Variants in BCL7A observed in about 807,000 individuals in gnomAD.
The protein encoded by BCL7A is B-cell CLL/lymphoma 7 protein family member A.
In BCL7A, 11 loss-of-function variants were observed where a neutral mutation model predicts 28.4. The ratio of observed to expected loss-of-function variants is 0.39; its 90% CI spans 0.24 to 0.64. BCL7A has a LOEUF of 0.64. Among genes scored for constraint, BCL7A ranks in the 30% least tolerant of loss-of-function variants. The pLI is 0.50. For synonymous variants in BCL7A, 123 were observed against 103.3 expected, an observed-to-expected ratio of 1.19 and a Z score of -1.15; for missense variants, 222 against 274.8, an observed-to-expected ratio of 0.81 and a Z score of 1.36.
intron 1 of BCL7A, among the ~76,000 whole-genome samples, chr12:122,023,660 G>C (rs7954584): frequency 6.6e-6 from 1 of 151,962 alleles, no homozygotes; most frequent in African/African-American, 2.4e-5. Context: ...CCAAAGTTGA[G>C]ATCCAAGTCG....
chr12:122,028,412 CT>C (rs79495913), intron 1 of BCL7A, among the ~76,000 whole-genome samples: 242 of 144,662 alleles, frequency 1.7e-3, no homozygotes, highest in African/African-American at 1.8e-3. Context: ...AAGTCAATTA[CT>C]TTTTTTTTTT....
At chr12:122,027,235 G>A (rs1883648285) in intron 1 of BCL7A, among the ~76,000 whole-genome samples, 1 of 152,252 alleles carries the variant, frequency 6.6e-6, no homozygotes, top group Non-Finnish European at 1.5e-5. Flanking sequence ...GTTTTCAAGA[G>A]TAGCCAGAAG....
chr12:122,031,699 G>A (rs148999178), intron 2 of BCL7A, among the ~76,000 whole-genome samples: 1 of 152,268 alleles, frequency 6.6e-6, no homozygotes, highest in East Asian at 1.9e-4. Context: ...CTGGTGACAG[G>A]GGTCCCCGGT....
chr12:122,032,179 G>T (rs762209747), intron 2 of BCL7A, among the ~76,000 whole-genome samples: 36 of 152,178 alleles, frequency 2.4e-4, no homozygotes, highest in Non-Finnish European at 5.0e-4. Context: ...TGGGTCTCTG[G>T]GCAGGGCTGT....
intron 5 of BCL7A, 176 bp downstream of exon 5, chr12:122,055,102 G>A: frequency 7.5e-7 from 1 of 1,325,010 alleles, no homozygotes; most frequent in African/African-American, 1.5e-5. Context: ...CTCTGCCTTG[G>A]GCTCTGGGGC....
Position 122,059,306 on chromosome 12 carries a change from C to G in BCL7A, c.*143C>G. 1.4e-6 allele frequency: 1 copy of G among 714,912 alleles called. No homozygotes were observed. Among genetic ancestry groups the G allele is most frequent in the Middle Eastern group, 2.5e-4 (1 of 4,066 alleles). The allele number at this position is 714,912 out of a possible 1,614,324, so 44.3% of individuals were successfully genotyped here. On this transcript the variant is annotated 3_prime_UTR_variant, in exon 6 of 6. Coordinates refer to ENST00000261822, the MANE Select transcript of BCL7A (RefSeq NM_001024808.3). The surrounding 1 kb of genome is among the most constrained non-coding windows in gnomAD (Gnocchi z 4.0). ...TTTACCAAGTGCAAATCCAAGAAGA[C>G]CCAGAACGGCGTCACTTCTCAGACA... is the stretch of plus-strand genomic sequence containing the variant.
intron 5 of BCL7A, among the ~76,000 whole-genome samples, chr12:122,058,258 A>G (rs2135863141): frequency 6.6e-6 from 1 of 152,194 alleles, no homozygotes; most frequent in South Asian, 2.1e-4. Context: ...TAATCCTAGC[A>G]CTCTGGGAAG....
At chr12:122,056,475 C>G (rs1951878991) in intron 5 of BCL7A, among the ~76,000 whole-genome samples, 1 of 152,026 alleles carries the variant, frequency 6.6e-6, no homozygotes. Context: ...GGAGGATGTA[C>G]TCCAGTAAAG....
intron 4 of BCL7A, among the ~76,000 whole-genome samples, chr12:122,054,455 A>G (rs1884265519): frequency 6.6e-6 from 1 of 152,160 alleles, no homozygotes; most frequent in Admixed American, 6.5e-5. Context: ...TGCGGGAGAG[A>G]GGAATTGACA....
At chr12:122,026,281 A>AG (rs1883628835) in intron 1 of BCL7A, among the ~76,000 whole-genome samples, 1 of 151,606 alleles carries the variant, frequency 6.6e-6, no homozygotes, top group African/African-American at 2.4e-5. Flanking sequence ...AAAAAAAAAA[A>AG]AAAAGAAAAA....
rs546563890 is a variant in BCL7A at position 122,047,386 on chromosome 12, T to C, written c.439+3333T>C. On this transcript the variant is annotated intron_variant, in intron 4 of 5. Coordinates refer to ENST00000261822, the MANE Select transcript of BCL7A (RefSeq NM_001024808.3). Reference sequence around the variant, plus strand: ...AAAATACAAAAAAATTATCCGGGCATGGTATTGGGCGCCTGTAGTCCCGGC... The same window carrying C: ...AAAATACAAAAAAATTATCCGGGCACGGTATTGGGCGCCTGTAGTCCCGGC... Among the ~76,000 whole-genome samples the C allele has an allele frequency of 1.6e-3, 248 of 151,762 alleles. 1 individual carries two copies. The highest frequency in any genetic ancestry group is 5.8e-3 in the African/African-American group (240 of 41,436).
At chr12:122,034,980 T>A (rs946919236) in intron 2 of BCL7A, among the ~76,000 whole-genome samples, 1 of 152,184 alleles carries the variant, frequency 6.6e-6, no homozygotes, top group African/African-American at 2.4e-5. Flanking sequence ...TGGTAGCCTC[T>A]TCCCCAGATA....
In BCL7A at chr12:122,060,187, G is replaced by A. The variant is rs371459575; in HGVS notation, c.*1024G>A. ...GATTTCAAATCCACGGTCACCTGCT[G>A]CCCTTTGCCTCCCCCGACGCCCCAG... is the stretch of plus-strand genomic sequence containing the variant. On this transcript the variant is annotated 3_prime_UTR_variant, in exon 6 of 6. Transcript: ENST00000261822. The A allele has an allele frequency of 8.6e-6, 2 of 233,018 alleles. No individual in the cohort carries two copies. The highest frequency in any genetic ancestry group is 2.2e-5 in the African/African-American group (1 of 45,298). 14.4% of individuals were successfully genotyped at this position (233,018 alleles called of 1,614,324 possible).
intron 1 of BCL7A, among the ~76,000 whole-genome samples, chr12:122,024,462 G>T (rs1479735): frequency 0.022 from 1,918 of 88,648 alleles, 153 homozygotes; most frequent in African/African-American, 0.038. Flanking sequence ...GAGGTTTTTT[G>T]TTTTTTTTTT....
intron 4 of BCL7A, among the ~76,000 whole-genome samples, chr12:122,048,472 C>T (rs567793595): frequency 4.3e-4 from 65 of 151,742 alleles, no homozygotes; most frequent in African/African-American, 6.5e-4. Context: ...GCAGGCTGGC[C>T]GGGTGCAGTG....
At chr12:122,050,132 C>T (rs1203377251) in intron 4 of BCL7A, among the ~76,000 whole-genome samples, 1 of 152,152 alleles carries the variant, frequency 6.6e-6, no homozygotes, top group Non-Finnish European at 1.5e-5. Flanking sequence ...GTGCATTTGC[C>T]ATCACACCTG....
chr12:122,060,454 C>G lies in BCL7A; in HGVS notation c.*1291C>G, dbSNP rs1266205781. Reference sequence around the variant, plus strand: ...ACGCAATCTCCCCTCCCTCCCATCCCCCACCTTCGCTGGAACAGCTTCCTC... The same window carrying G: ...ACGCAATCTCCCCTCCCTCCCATCCGCCACCTTCGCTGGAACAGCTTCCTC... On this transcript the variant is annotated 3_prime_UTR_variant, in exon 6 of 6. Coordinates refer to ENST00000261822, the MANE Select transcript of BCL7A (RefSeq NM_001024808.3). The G allele has an allele frequency of 4.3e-6, 1 of 233,256 alleles. No individual in the cohort carries two copies. The highest frequency in any genetic ancestry group is 2.2e-5 in the African/African-American group (1 of 45,316). The allele number at this position is 233,256 out of a possible 1,614,324, so 14.4% of individuals were successfully genotyped here. A position where few individuals can be genotyped will look rare whatever the true frequency, so the allele number is the denominator to read the frequency against.
Position 122,060,891 on chromosome 12 carries a change from G to T in BCL7A, c.*1728G>T. ...TCATGCAAAATGTCTCCTGAAATAA[G>T]GGAAAAAAAAAAAACCACAACTTTG... On this transcript the variant is annotated 3_prime_UTR_variant, in exon 6 of 6. Transcript: ENST00000261822. 1 of 222,506 alleles carries T rather than the reference G, an allele frequency of 4.5e-6. No homozygotes were observed. The highest frequency in any genetic ancestry group is 8.9e-6 in the Non-Finnish European group (1 of 112,318). The allele number at this position is 222,506 out of a possible 1,614,324, so 13.8% of individuals were successfully genotyped here. A position where few individuals can be genotyped will look rare whatever the true frequency, so the allele number is the denominator to read the frequency against.
Position 122,021,932 on chromosome 12 carries a change from G to GTA in BCL7A, c.-159_-158insAT. ...CCCCGGGCTTTGTGTGTGTGTGTAT[G>GTA]TGTGTGTGTGTGTGTGTGTGTGTGT... On this transcript the variant is annotated 5_prime_UTR_variant, in exon 1 of 6. It adds an upstream start codon to the 5' untranslated region. Transcript: ENST00000261822. 3 of 433,688 alleles carry GTA rather than the reference G, an allele frequency of 6.9e-6. No homozygotes were observed. The highest frequency in any genetic ancestry group is 8.4e-6 in the Non-Finnish European group (2 of 237,022). 26.9% of individuals were successfully genotyped at this position (433,688 alleles called of 1,614,324 possible).
Sources: allele counts gnomAD v4.1 joint callset (sites outside exome capture counted in the v4.1 genomes callset), GRCh38; gene constraint gnomAD v4.1.1; non-coding constraint Gnocchi (gnomAD v3.1); transcripts MANE v1.5; gene names NCBI Gene and HGNC (gene_info 2026-07-23, HGNC 2026-07-21).